The following CALHM4 variants were observed in gnomAD, a reference collection of about 807,000 sequenced individuals.
CALHM4 encodes calcium homeostasis modulator protein 4.
Under a neutral mutation model 13.3 loss-of-function variants are expected in CALHM4, and 16 were observed. The ratio of observed to expected loss-of-function variants is 1.20; its 90% CI spans 0.81 to 1.82. The LOEUF is 1.82. CALHM4 is among the 40% of genes most tolerant of loss of function. CALHM4 has a pLI of 0.00. For synonymous variants in CALHM4, 127 were observed against 137.1 expected, an observed-to-expected ratio of 0.93 and a Z score of 0.52; for missense variants, 344 against 374.9, an observed-to-expected ratio of 0.92 and a Z score of 0.68.
intron 1 of CALHM4, among the ~76,000 whole-genome samples, chr6:116,539,715 T>C (rs1273058935): frequency 6.6e-6 from 1 of 152,142 alleles, no homozygotes; most frequent in Non-Finnish European, 1.5e-5. Context: ...ACTGACTTAA[T>C]TGATCAGTTT....
At chr6:116,547,512 A>G (rs953780628) in intron 2 of CALHM4, among the ~76,000 whole-genome samples, 1 of 152,214 alleles carries the variant, frequency 6.6e-6, no homozygotes, top group Non-Finnish European at 1.5e-5. Flanking sequence ...GCTACTGTAC[A>G]AAGCACAACC....
chr6:116,533,887 GC>G (rs1772905402), intron 1 of CALHM4, among the ~76,000 whole-genome samples: 1 of 152,152 alleles, frequency 6.6e-6, no homozygotes, highest in African/African-American at 2.4e-5. Context: ...GTCCCCATCA[GC>G]CCACTTACAC....
intron 1 of CALHM4, among the ~76,000 whole-genome samples, chr6:116,540,032 CGT>C (rs2115233992): frequency 6.6e-6 from 1 of 152,248 alleles, no homozygotes; most frequent in East Asian, 1.9e-4. Context: ...TGAAAATTAT[CGT>C]AAAGAAACTG....
At chr6:116,551,158 A>AC (rs1364390011), upstream of CALHM4, among the ~76,000 whole-genome samples, 2 of 151,900 alleles carry the variant, frequency 1.3e-5, no homozygotes, top group Non-Finnish European at 2.9e-5. Flanking sequence ...AACCTGATGC[A>AC]CCCCCGTGAC....
At chr6:116,543,278 A>C in intron 1 of CALHM4, 1 of 1,504,254 alleles carries the variant, frequency 6.6e-7, no homozygotes, top group Non-Finnish European at 9.0e-7. Context: ...CAGCCATTCA[A>C]TAAGAATGAA....
At chr6:116,543,359 G>T in intron 1 of CALHM4, 1 of 1,549,856 alleles carries the variant, frequency 6.5e-7, no homozygotes, top group Non-Finnish European at 8.7e-7. Context: ...TACACAGCTG[G>T]GCAACCAGAG....
chr6:116,551,492 A>G (rs553287607), upstream of CALHM4, among the ~76,000 whole-genome samples: 3 of 152,102 alleles, frequency 2.0e-5, no homozygotes, highest in South Asian at 6.2e-4. Flanking sequence ...GTATTAATAT[A>G]TATCAGGTTG....
At position 116,559,438 on chromosome 6, in the gene CALHM4, A is replaced by C. The variant is rs186062808; in HGVS notation, c.*1227A>C. On this transcript the variant is annotated 3_prime_UTR_variant, in exon 2 of 2. Transcript: ENST00000368596. ...ATTACTTGGTAATCTACTTTTACACAATTATGGAAGGTTTTATTTTCTATA... is the reference window on the plus strand; with the variant it reads ...ATTACTTGGTAATCTACTTTTACACCATTATGGAAGGTTTTATTTTCTATA... 2.8e-4 allele frequency among the ~76,000 whole-genome samples: 42 copies of C among 152,316 alleles called. No individual in the cohort carries two copies. The highest frequency in any genetic ancestry group is 8.9e-4 in the African/African-American group (37 of 41,560).
chr6:116,538,022 G>A (rs1164212338), intron 1 of CALHM4, among the ~76,000 whole-genome samples: 1 of 152,172 alleles, frequency 6.6e-6, no homozygotes, highest in Non-Finnish European at 1.5e-5. Context: ...CCACCTCTGG[G>A]AAGGATTCAT....
intron 1 of CALHM4, among the ~76,000 whole-genome samples, chr6:116,534,068 C>G (rs992149575): frequency 6.6e-6 from 1 of 152,018 alleles, no homozygotes; most frequent in Non-Finnish European, 1.5e-5. Context: ...AAGGATTCCT[C>G]CTTTGGGTAC....
upstream of CALHM4, among the ~76,000 whole-genome samples, chr6:116,553,567 A>G (rs190506914): frequency 1.9e-3 from 283 of 152,204 alleles, no homozygotes; most frequent in South Asian, 2.3e-3. Context: ...TCCCCCCTTC[A>G]CTCATACCTA....
At chr6:116,540,243 T>C (rs762378524) in intron 1 of CALHM4, 33 of 911,908 alleles carry the variant, frequency 3.6e-5, no homozygotes, top group Non-Finnish European at 5.3e-5. Context: ...CAGAATCTCC[T>C]TTCTCAGCAC....
intron 2 of CALHM4, among the ~76,000 whole-genome samples, chr6:116,544,190 G>T (rs2115252546): frequency 9.5e-6 from 1 of 105,164 alleles, no homozygotes; most frequent in South Asian, 2.8e-4. Flanking sequence ...AGAATGATGA[G>T]ATTGTTGTGA....
chr6:116,549,980 TTATATATATATATATATATATATA>T (rs10544532), upstream of CALHM4, among the ~76,000 whole-genome samples: 8 of 82,050 alleles, frequency 9.8e-5, 1 homozygote, highest in Middle Eastern at 0.015. Flanking sequence ...CCATCTTAAA[TTATATATATATATATATATATATA>T]TATATATATA....
chr6:116,560,059 A>G lies in CALHM4; in HGVS notation c.*1848A>G, dbSNP rs1319727840. On this transcript the variant is annotated 3_prime_UTR_variant, in exon 2 of 2. Transcript: ENST00000368596. ...AAATAGAAGTATGTTGTGGAAGGCA[A>G]CTAGGGTTCTAGTTCCACACTGATA... Among the ~76,000 whole-genome samples, 1 of 152,216 alleles carries G rather than the reference A, an allele frequency of 6.6e-6. No individual in the cohort carries two copies. The highest frequency in any genetic ancestry group is 1.5e-5 in the Non-Finnish European group (1 of 68,036).
chr6:116,532,843 A>G (rs1199138116), intron 1 of CALHM4, among the ~76,000 whole-genome samples: 1 of 152,234 alleles, frequency 6.6e-6, no homozygotes, highest in Non-Finnish European at 1.5e-5. Flanking sequence ...AAGTAAGGTT[A>G]ATCATGGGTT....
intron 1 of CALHM4, among the ~76,000 whole-genome samples, chr6:116,538,598 C>A (rs768623199): frequency 2.0e-5 from 3 of 152,190 alleles, no homozygotes; most frequent in Non-Finnish European, 4.4e-5. Context: ...AATTATTCTT[C>A]AAATGTTCAA....
upstream of CALHM4, among the ~76,000 whole-genome samples, chr6:116,553,384 T>C (rs1193629329): frequency 6.6e-6 from 1 of 152,214 alleles, no homozygotes; most frequent in Admixed American, 6.5e-5. Flanking sequence ...TATAATTTTA[T>C]GGTGACGAGA....
chr6:116,535,687 A>G (rs182211682), intron 1 of CALHM4, among the ~76,000 whole-genome samples: 14 of 152,380 alleles, frequency 9.2e-5, no homozygotes, highest in Admixed American at 1.3e-4. Context: ...TTTCATTATT[A>G]CAACTAAAAT....
Sources: gnomAD v4.1 joint callset for allele counts (sites outside exome capture counted in the v4.1 genomes callset) on GRCh38, gnomAD v4.1.1 for gene constraint, MANE v1.5 for transcripts, NCBI Gene and HGNC (gene_info 2026-07-23, HGNC 2026-07-21) for gene names.